Variants in GULP1 observed in about 807,000 individuals in gnomAD.
GULP1 encodes GULP PTB domain containing engulfment adaptor 1.
A neutral mutation model predicts 40.9 loss-of-function variants in GULP1; 19 were observed. The ratio of observed to expected loss-of-function variants is 0.46; its 90% CI spans 0.32 to 0.68. GULP1 has a LOEUF of 0.68. Ranked by LOEUF, GULP1 falls within the 30% of genes least tolerant of loss-of-function variation. The pLI, the probability that GULP1 is intolerant of heterozygous loss-of-function variation, is 0.03. For synonymous variants in GULP1, 119 were observed against 117.6 expected (o/e 1.01, Z -0.08); for missense variants, 312 against 362.2 (o/e 0.86, Z 1.12).
At chr2:188,484,965 A>T (rs2061738833) in intron 4 of GULP1, among the ~76,000 whole-genome samples, 1 of 152,158 alleles carries the variant, frequency 6.6e-6, no homozygotes, top group African/African-American at 2.4e-5. Context: ...CTGAATGAGA[A>T]AAATTGTTTA....
chr2:188,435,959 CTACGCATGTTAATTTCTCTT>C (rs958808430), intron 2 of GULP1, among the ~76,000 whole-genome samples: 1 of 152,106 alleles, frequency 6.6e-6, no homozygotes, highest in Non-Finnish European at 1.5e-5. Context: ...TAAGCCAGGT[CTACGCATGTTAATTTCTCTT>C]TTAATTAACT....
intron 5 of GULP1, among the ~76,000 whole-genome samples, chr2:188,526,088 G>C (rs1279162444): frequency 6.6e-6 from 1 of 152,064 alleles, no homozygotes; most frequent in Non-Finnish European, 1.5e-5. Flanking sequence ...CTGAGAAATG[G>C]ATAGAAATTA....
chr2:188,490,749 A>G (rs1335609122), intron 4 of GULP1, among the ~76,000 whole-genome samples: 1 of 152,060 alleles, frequency 6.6e-6, no homozygotes, highest in Admixed American at 6.6e-5. Flanking sequence ...AAAGTTGAAC[A>G]TATTTATCAT....
At chr2:188,552,420 C>A (rs1017064779) in intron 7 of GULP1, among the ~76,000 whole-genome samples, 5 of 151,854 alleles carry the variant, frequency 3.3e-5, no homozygotes, top group African/African-American at 1.2e-4. Context: ...GATGTTCTTT[C>A]TCCAGTGTAA....
chr2:188,511,396 G>A (rs1468586559), intron 4 of GULP1, among the ~76,000 whole-genome samples: 2 of 152,136 alleles, frequency 1.3e-5, no homozygotes, highest in East Asian at 3.9e-4. Context: ...TGTGAAGCTT[G>A]CCTGGCTCCA....
intron 1 of GULP1, among the ~76,000 whole-genome samples, chr2:188,357,976 C>A (rs1365774062): frequency 6.6e-6 from 1 of 152,082 alleles, no homozygotes; most frequent in Non-Finnish European, 1.5e-5. Context: ...GCCAGGAGTT[C>A]AAGACCAGCC....
At chr2:188,581,358 T>C (rs1474803111) in intron 9 of GULP1, among the ~76,000 whole-genome samples, 1 of 152,230 alleles carries the variant, frequency 6.6e-6, no homozygotes, top group African/African-American at 2.4e-5. Context: ...GTGATACATC[T>C]GACCCTTGCT....
intron 2 of GULP1, among the ~76,000 whole-genome samples, chr2:188,473,855 C>T (rs1007038066): frequency 3.9e-5 from 6 of 152,096 alleles, no homozygotes; most frequent in African/African-American, 1.4e-4. Context: ...AGTCTTGCCC[C>T]ATAGCCACCA....
chr2:188,311,539 A>C (rs1315426848), intron 1 of GULP1, among the ~76,000 whole-genome samples: 1 of 152,104 alleles, frequency 6.6e-6, no homozygotes, highest in Non-Finnish European at 1.5e-5. Context: ...AGCTTTGCTG[A>C]TTCTGACACC....
intron 2 of GULP1, among the ~76,000 whole-genome samples, chr2:188,402,690 C>G (rs2052478543): frequency 6.6e-6 from 1 of 151,988 alleles, no homozygotes; most frequent in Non-Finnish European, 1.5e-5. Context: ...ACTTGGCCTT[C>G]CTCTAGACTA....
intron 4 of GULP1, among the ~76,000 whole-genome samples, chr2:188,495,861 G>A (rs377384048): frequency 2.0e-5 from 3 of 151,916 alleles, no homozygotes; most frequent in Non-Finnish European, 4.4e-5. Flanking sequence ...AAAAGCTTCC[G>A]TGATTTCAAA....
chr2:188,521,630 G>A (rs150812702), intron 4 of GULP1, among the ~76,000 whole-genome samples: 38 of 152,162 alleles, frequency 2.5e-4, no homozygotes, highest in South Asian at 1.9e-3. Context: ...TCATGAGACC[G>A]GCATGGGAAA....
chr2:188,471,353 C>T (rs1293729343), intron 2 of GULP1, among the ~76,000 whole-genome samples: 1 of 151,960 alleles, frequency 6.6e-6, no homozygotes, highest in Non-Finnish European at 1.5e-5. Flanking sequence ...GAGTTTCGTC[C>T]ATTTATGTTC....
chr2:188,576,527 A>G (rs1006263288), intron 9 of GULP1, among the ~76,000 whole-genome samples: 1 of 152,174 alleles, frequency 6.6e-6, no homozygotes, highest in African/African-American at 2.4e-5. Flanking sequence ...CTCATATAAA[A>G]ATTGATATGA....
chr2:188,455,451 G>A (rs1467703856), intron 2 of GULP1, among the ~76,000 whole-genome samples: 1 of 152,108 alleles, frequency 6.6e-6, no homozygotes, highest in East Asian at 1.9e-4. Flanking sequence ...TGAAACTGGA[G>A]ATCTGATGGG....
chr2:188,368,708 A>G (rs1043718209), intron 1 of GULP1, among the ~76,000 whole-genome samples: 3 of 151,822 alleles, frequency 2.0e-5, no homozygotes, highest in African/African-American at 7.2e-5. Context: ...TTGTGAAGAA[A>G]GAAAAGATAA....
intron 1 of GULP1, among the ~76,000 whole-genome samples, chr2:188,351,329 A>G (rs1416735591): frequency 6.6e-6 from 1 of 152,016 alleles, no homozygotes; most frequent in African/African-American, 2.4e-5. Context: ...GAGAGGTCCT[A>G]TGACTTGTTC....
chr2:188,531,286 T>C (rs1403343648), intron 6 of GULP1, among the ~76,000 whole-genome samples: 2 of 152,208 alleles, frequency 1.3e-5, no homozygotes, highest in Non-Finnish European at 2.9e-5. Context: ...GCGGTAGGCC[T>C]CATTTTCAAA....
rs1463198809 is a variant in GULP1 at position 188,389,143 on chromosome 2, G to A, written c.-45+5254G>A. 2.0e-5 allele frequency among the ~76,000 whole-genome samples: 3 copies of A among 152,264 alleles called. No homozygotes were observed. The East Asian group carries it at 5.8e-4, about 29-fold the overall frequency. On this transcript the variant is annotated intron_variant, in intron 2 of 11. Transcript: ENST00000409830. ...GACAGGCACAGAAATGGGGAAAACAGAGTAAAAGCGGGTTTTGTTATTGTT... is the reference window on the plus strand; with the variant it reads ...GACAGGCACAGAAATGGGGAAAACAAAGTAAAAGCGGGTTTTGTTATTGTT...
Sources: gnomAD v4.1 joint callset for allele counts (sites outside exome capture counted in the v4.1 genomes callset) on GRCh38, gnomAD v4.1.1 for gene constraint, MANE v1.5 for transcripts, NCBI Gene and HGNC (gene_info 2026-07-23, HGNC 2026-07-21) for gene names.